The following ZDHHC17 variants were observed in gnomAD, a reference collection of about 807,000 sequenced individuals.
ZDHHC17 encodes zDHHC palmitoyltransferase 17.
ZDHHC17 carries 40 observed loss-of-function variants against 90.3 expected under a neutral mutation model. That is an observed-to-expected ratio of 0.44 (90% CI 0.34 to 0.58). The LOEUF is 0.58. Ranked by LOEUF, ZDHHC17 falls within the 20% of genes least tolerant of loss-of-function variation. ZDHHC17 has a pLI of 0.01. For synonymous variants in ZDHHC17, 235 were observed against 252.4 expected (o/e 0.93, Z 0.65); for missense variants, 614 against 780.8 (o/e 0.79, Z 2.55).
At chr12:76,810,790 G>A (rs1481716077) in intron 5 of ZDHHC17, among the ~76,000 whole-genome samples, 1 of 152,084 alleles carries the variant, frequency 6.6e-6, no homozygotes, top group Non-Finnish European at 1.5e-5. Context: ...CAATTAATAC[G>A]TCTCACAATT....
chr12:76,815,330 A>G lies in ZDHHC17; in HGVS notation c.608+120A>G, dbSNP rs3816646. ...AATATTTACAGTTTTTATTATGACT[A>G]TAGTATATATAAATTACCATTTTGG... On this transcript the variant is annotated intron_variant, in intron 6 of 16. Transcript: ENST00000426126. 2,629 of 501,464 alleles carry G rather than the reference A, an allele frequency of 5.2e-3. 102 individuals carry two copies. The East Asian group carries it at 0.08, about 15-fold the overall frequency. 31.1% of individuals were successfully genotyped at this position (501,464 alleles called of 1,614,324 possible).
intron 1 of ZDHHC17, among the ~76,000 whole-genome samples, chr12:76,790,432 G>T (rs1470029436): frequency 3.3e-5 from 5 of 152,184 alleles, no homozygotes; most frequent in Non-Finnish European, 1.5e-5. Flanking sequence ...AACCCAGGAG[G>T]TGGAGGTTGC....
At chr12:76,794,267 C>T (rs1952794146) in intron 1 of ZDHHC17, among the ~76,000 whole-genome samples, 1 of 151,928 alleles carries the variant, frequency 6.6e-6, no homozygotes, top group African/African-American at 2.4e-5. Context: ...AAATTTTTAG[C>T]TTAAAAATTA....
intron 1 of ZDHHC17, among the ~76,000 whole-genome samples, chr12:76,784,867 C>G (rs750145136): frequency 1.3e-4 from 20 of 152,156 alleles, no homozygotes; most frequent in African/African-American, 4.8e-4. Flanking sequence ...AGCAAAAATT[C>G]AGGAGTAAAG....
chr12:76,810,697 G>A (rs1158939920), intron 5 of ZDHHC17, among the ~76,000 whole-genome samples: 1 of 102,684 alleles, frequency 9.7e-6, no homozygotes, highest in African/African-American at 3.5e-5. Context: ...AAAGTTAATT[G>A]CTGGAAGGGG....
At chr12:76,827,203 C>T (rs1222543101) in intron 9 of ZDHHC17, among the ~76,000 whole-genome samples, 153 bp downstream of exon 9, 3 of 151,918 alleles carry the variant, frequency 2.0e-5, no homozygotes, top group African/African-American at 7.2e-5. Context: ...ATTTTTTAAA[C>T]ATTGTTATGT....
intron 2 of ZDHHC17, among the ~76,000 whole-genome samples, chr12:76,801,257 TGTTTA>T (rs749047968): frequency 4.0e-5 from 6 of 151,880 alleles, no homozygotes; most frequent in Non-Finnish European, 8.8e-5. Flanking sequence ...TTTTTTTGTG[TGTTTA>T]GTTCAATTTT....
At chr12:76,784,949 A>G (rs958920333) in intron 1 of ZDHHC17, among the ~76,000 whole-genome samples, 4 of 152,226 alleles carry the variant, frequency 2.6e-5, no homozygotes, top group African/African-American at 4.8e-5. Context: ...AAGAATGACA[A>G]CATCTGCTTA....
chr12:76,779,571 G>A (rs924983048), intron 1 of ZDHHC17, among the ~76,000 whole-genome samples: 3 of 152,160 alleles, frequency 2.0e-5, no homozygotes, highest in African/African-American at 4.8e-5. Flanking sequence ...CCCATGACAC[G>A]TGGGAATTAT....
rs1329852630 is a variant in ZDHHC17 at position 76,846,658 on chromosome 12, A to C, written c.1486A>C (p.Met496Leu). The C allele has an allele frequency of 1.2e-6, 2 of 1,610,784 alleles. No homozygotes were observed. The highest frequency in any genetic ancestry group is 3.4e-5 in the Admixed American group (2 of 59,636). ...CTTCTTGCTTTTTATGATCTGCTGG[A>C]TGATTTATGGTTGTATATCTTGTGA... is the stretch of plus-strand genomic sequence containing the variant. Reference protein sequence around the residue: ...LFFLLFMICWMIYGCISYWGL... With the variant: ...LFFLLFMICWLIYGCISYWGL... The change falls in exon 14 of 17, where the codon ATG becomes CTG. Residue 496 changes from methionine to leucine, a missense_variant. Around this residue, in one of 5 missense-constraint regions of ZDHHC17, gnomAD observed 111 missense variants for 179.8 expected, o/e 0.62. Coordinates refer to ENST00000426126, the MANE Select transcript of ZDHHC17 (RefSeq NM_015336.4).
intron 8 of ZDHHC17, among the ~76,000 whole-genome samples, chr12:76,823,469 A>G (rs1170415491): frequency 3.3e-5 from 5 of 152,306 alleles, no homozygotes; most frequent in Non-Finnish European, 7.4e-5. Flanking sequence ...GTTCTGCACA[A>G]TCTTATTTCC....
intron 8 of ZDHHC17, among the ~76,000 whole-genome samples, chr12:76,826,324 TGAAATG>T (rs1953229694): frequency 6.6e-6 from 1 of 152,184 alleles, no homozygotes; most frequent in Admixed American, 6.5e-5. Flanking sequence ...AGTACAGAAA[TGAAATG>T]GAAATACCTT....
chr12:76,801,971 A>T (rs1236929969), intron 2 of ZDHHC17, among the ~76,000 whole-genome samples: 1 of 152,258 alleles, frequency 6.6e-6, no homozygotes, highest in African/African-American at 2.4e-5. Flanking sequence ...AGTAGAAAAC[A>T]AAAAGCGGAG....
intron 8 of ZDHHC17, among the ~76,000 whole-genome samples, chr12:76,826,585 A>G (rs922563250): frequency 3.3e-5 from 5 of 152,158 alleles, no homozygotes; most frequent in Admixed American, 2.6e-4. Context: ...CCCTGTTAAA[A>G]AGGGGTGGTA....
chr12:76,849,280 C>T (rs986031344), intron 15 of ZDHHC17, 96 bp from the exon 16 acceptor site: 93 of 612,066 alleles, frequency 1.5e-4, no homozygotes, highest in African/African-American at 1.3e-3. Flanking sequence ...GCTGAGAATT[C>T]GCCATTGCAT....
chr12:76,829,633 G>A (rs1441033367), intron 10 of ZDHHC17, among the ~76,000 whole-genome samples: 1 of 151,912 alleles, frequency 6.6e-6, no homozygotes, highest in Non-Finnish European at 1.5e-5. Flanking sequence ...TGATTTTTAT[G>A]TTTTGGTATC....
chr12:76,811,771 T>C (rs1333851930), intron 5 of ZDHHC17, among the ~76,000 whole-genome samples: 1 of 152,140 alleles, frequency 6.6e-6, no homozygotes, highest in Non-Finnish European at 1.5e-5. Flanking sequence ...TAATGTAGTA[T>C]GTATTTTAAG....
chr12:76,824,338 A>G (rs1181540820), intron 8 of ZDHHC17, among the ~76,000 whole-genome samples: 2 of 152,026 alleles, frequency 1.3e-5, no homozygotes, highest in Non-Finnish European at 2.9e-5. Flanking sequence ...AAATTTTTAT[A>G]AAGGTTCCTT....
chr12:76,822,471 G>T lies in ZDHHC17; in HGVS notation c.837G>T (p.Glu279Asp), dbSNP rs921929302. 2 of 1,613,252 alleles carry T rather than the reference G, an allele frequency of 1.2e-6. No individual in the cohort carries two copies. The highest frequency in any genetic ancestry group is 2.7e-5 in the African/African-American group (2 of 74,854). ...KNVWMINHLQ[E>D]ARQAKGYDNP... ...TGTGGATGATCAACCACTTACAAGA[G>T]GCAAGGCAAGCAAAAGGATATGACA... Residue 279 changes from glutamate (E) to aspartate (D), a missense_variant, in exon 8 of 17, where the codon GAG (glutamate) becomes GAT (aspartate). By Grantham distance (45) the Glu-to-Asp change is conservative. Transcript: ENST00000426126.
Sources: gnomAD v4.1 joint callset for allele counts (sites outside exome capture counted in the v4.1 genomes callset) on GRCh38, gnomAD v4.1.1 for gene constraint, gnomAD v4.1.1 regional missense constraint, MANE v1.5 for transcripts, NCBI Gene and HGNC (gene_info 2026-07-23, HGNC 2026-07-21) for gene names.